The following MROH1 variants were observed in gnomAD, a reference collection of about 807,000 sequenced individuals.
MROH1 encodes maestro heat like repeat family member 1, also known as maestro heat-like repeat-containing protein family member 1.
Under a neutral mutation model 116.5 loss-of-function variants are expected in MROH1, and 117 were observed. That is an observed-to-expected ratio of 1.00 (90% confidence interval 0.86 to 1.17). The LOEUF (loss-of-function observed/expected upper bound fraction) is 1.17, where lower values mean the gene tolerates loss of function less well. Ranked by LOEUF, MROH1 falls within the 50% of genes most tolerant of loss-of-function variation. MROH1 has a pLI of 0.00. For synonymous variants in MROH1, 921 were observed against 583.9 expected, an observed-to-expected ratio of 1.58 and a Z score of -8.32; for missense variants, 1,873 against 1,338.5, an observed-to-expected ratio of 1.40 and a Z score of -6.23.
At chr8:144,223,040 T>G in intron 13 of MROH1, 68 bp from the exon 14 acceptor site, 1 of 1,598,170 alleles carries the variant, frequency 6.3e-7, no homozygotes, top group Non-Finnish European at 8.5e-7. Context: ...GAGGTTCCTC[T>G]CTGCTGGCTG....
At chr8:144,247,541 G>T (rs1311268381) in intron 30 of MROH1, 26 bp from the exon 31 acceptor site, 12 of 765,450 alleles carry the variant, frequency 1.6e-5, no homozygotes, top group South Asian at 2.8e-5. Context: ...GCCTGGGCCC[G>T]ACTGCTCATT....
chr8:144,158,827 A>G (rs1390803112), intron 1 of MROH1, among the ~76,000 whole-genome samples: 1 of 151,712 alleles, frequency 6.6e-6, no homozygotes, highest in Non-Finnish European at 1.5e-5. Flanking sequence ...TCACTGCAGC[A>G]TTGACCTCCT....
intron 4 of MROH1, among the ~76,000 whole-genome samples, chr8:144,169,131 A>C (rs931029506): frequency 6.6e-6 from 1 of 152,100 alleles, no homozygotes; most frequent in Non-Finnish European, 1.5e-5. Flanking sequence ...GCATTGTTTG[A>C]AACTGTTATG....
At position 144,258,796 on chromosome 8, in the gene MROH1, C is replaced by G; in HGVS notation, c.3811C>G (p.Arg1271Gly). The G allele has an allele frequency of 1.3e-6, 1 of 767,830 alleles. No homozygotes were observed. Among genetic ancestry groups the G allele is most frequent in the Non-Finnish European group, 2.4e-6 (1 of 413,908 alleles). 47.6% of individuals were successfully genotyped at this position (767,830 alleles called of 1,614,324 possible). Residue 1271 changes from arginine (R) to glycine (G), a missense_variant, in exon 36 of 44, where the codon CGG becomes GGG. By Grantham distance (125) the Arg-to-Gly change is moderately radical. Transcript: ENST00000326134. Reference protein sequence around the residue: ...EPCSSAVDTLRSMLLRSGSED... With the variant: ...EPCSSAVDTLGSMLLRSGSED... ...CTGCAGCTCTGCAGTGGACACCCTG[C>G]GGTCCATGCTACTCCGCAGCGGCAG... is the stretch of plus-strand genomic sequence containing the variant.
At chr8:144,190,555 CTG>C (rs759032662) in intron 7 of MROH1, among the ~76,000 whole-genome samples, 1 of 152,150 alleles carries the variant, frequency 6.6e-6, no homozygotes, top group Non-Finnish European at 1.5e-5. Flanking sequence ...GAGCAAGACT[CTG>C]TCTCAAAAAA....
chr8:144,190,752 C>T (rs769022575), intron 7 of MROH1, 32 bp from the exon 8 acceptor site: 32 of 1,605,372 alleles, frequency 2.0e-5, no homozygotes, highest in Non-Finnish European at 2.5e-5. Flanking sequence ...AACCCATGGC[C>T]TGCAGCCACT....
At position 144,240,170 on chromosome 8, in the gene MROH1, G is replaced by T. The variant is rs946843731; in HGVS notation, c.1827+17G>T. The T allele has an allele frequency of 5.2e-6, 4 of 769,068 alleles. No individual in the cohort carries two copies. The highest frequency in any genetic ancestry group is 9.7e-6 in the Non-Finnish European group (4 of 412,932). 47.6% of individuals were successfully genotyped at this position (769,068 alleles called of 1,614,324 possible). On this transcript the variant is annotated intron_variant, in intron 19 of 43. Transcript: ENST00000326134. ...CTGTTGATGGTGAGGGCCGGGGTAC[G>T]GCCCATCCTGGGCCTTAAGGTGTTG...
rs1289743995 is a variant in MROH1, at chr8:144,243,554, A to T, written c.2413A>T (p.Ser805Cys). ...GTGCATGGTCAGCCGCGCCATCTGC[A>T]GCAGCACCCAGGCTGGCTCCTTCCA... is the stretch of plus-strand genomic sequence containing the variant. ...SVCMVSRAIC[S>C]STQAGSFHFT... is the part of the protein sequence containing the mutation. Residue 805 changes from serine (S) to cysteine (C), a missense_variant, in exon 25 of 44, where the codon AGC (serine) becomes TGC (cysteine). Physicochemically the swap from Ser to Cys is moderately radical, Grantham distance 112. Transcript: ENST00000326134. 4 of 780,142 alleles carry T rather than the reference A, an allele frequency of 5.1e-6. No homozygotes were observed. Among genetic ancestry groups the T allele is most frequent in the African/African-American group, 3.4e-5 (2 of 59,154 alleles). The allele number at this position is 780,142 out of a possible 1,614,324, so 48.3% of individuals were successfully genotyped here. A position where few individuals can be genotyped will look rare whatever the true frequency, so the allele number is the denominator to read the frequency against.
chr8:144,212,148 A>G (rs915041483), intron 12 of MROH1, among the ~76,000 whole-genome samples: 1 of 151,940 alleles, frequency 6.6e-6, no homozygotes, highest in African/African-American at 2.4e-5. Context: ...TAGCGGCTCA[A>G]ACACGGCTCA....
At chr8:144,257,768 C>G (rs1182911898) in intron 35 of MROH1, among the ~76,000 whole-genome samples, 1 of 152,248 alleles carries the variant, frequency 6.6e-6, no homozygotes, top group Admixed American at 6.5e-5. Flanking sequence ...GTCACCACCA[C>G]CAGCGGTCAC....
Position 144,243,622 on chromosome 8 carries a change from C to A in MROH1, c.2475+6C>A. On this transcript the variant is annotated splice_donor_region_variant and intron_variant, in intron 25 of 43. Transcript: ENST00000326134. ...AGCTGGTGGCACAGATGATGGTGAG[C>A]GTGGCCGTGGCCTGGCAGGTCCTCA... The A allele has an allele frequency of 1.3e-6, 1 of 778,698 alleles. No homozygotes were observed. Among genetic ancestry groups the A allele is most frequent in the Admixed American group, 1.7e-5 (1 of 59,026 alleles). The allele number at this position is 778,698 out of a possible 1,614,324, so 48.2% of individuals were successfully genotyped here.
intron 7 of MROH1, among the ~76,000 whole-genome samples, chr8:144,185,913 C>G (rs62530349): frequency 6.9e-5 from 9 of 129,504 alleles, no homozygotes; most frequent in African/African-American, 1.6e-4. Context: ...GGGGGGGCGG[C>G]GAGGGGCGAC....
intron 7 of MROH1, among the ~76,000 whole-genome samples, chr8:144,187,965 G>T (rs2131525853): frequency 6.6e-6 from 1 of 152,266 alleles, no homozygotes; most frequent in African/African-American, 2.4e-5. Context: ...CTTCCATGAG[G>T]TTGTCAGCCC....
chr8:144,184,330 G>T (rs560596266), intron 7 of MROH1, among the ~76,000 whole-genome samples: 1 of 152,182 alleles, frequency 6.6e-6, no homozygotes, highest in African/African-American at 2.4e-5. Flanking sequence ...TCCCTGGAGC[G>T]CAGGGTCTCG....
intron 5 of MROH1, 127 bp downstream of exon 5, chr8:144,179,713 G>T: frequency 1.6e-6 from 2 of 1,232,596 alleles, no homozygotes; most frequent in South Asian, 1.4e-5. Flanking sequence ...GCTGGCAGAT[G>T]CCCTTCGGTC....
intron 14 of MROH1, among the ~76,000 whole-genome samples, chr8:144,227,293 G>C (rs1409304026): frequency 6.6e-6 from 1 of 152,186 alleles, no homozygotes; most frequent in Non-Finnish European, 1.5e-5. Flanking sequence ...GGTGAGAGCA[G>C]CCACCCCTGC....
rs574049227 is a variant in MROH1 at position 144,192,304 on chromosome 8, A to G, written c.856-5A>G. The G allele has an allele frequency of 1.1e-5, 18 of 1,587,244 alleles. No homozygotes were observed. The Admixed American group carries it at 3.0e-4, about 27-fold the overall frequency. ...CTGACGGCCTCTTCTCCCTACCCGGAGCAGAGCCTGGGCCAGATCCTCGAG... is the reference window on the plus strand; with the variant it reads ...CTGACGGCCTCTTCTCCCTACCCGGGGCAGAGCCTGGGCCAGATCCTCGAG... On this transcript the variant is annotated splice_region_variant and splice_polypyrimidine_tract_variant and intron_variant, in intron 9 of 43. Coordinates refer to ENST00000326134, the MANE Select transcript of MROH1 (RefSeq NM_032450.3).
Position 144,259,305 on chromosome 8 carries a change from G to GCAGTGCGTATGAGAAC in MROH1, c.3999_4014dup (p.Arg1339CysfsTer3). 1 of 715,114 alleles carries GCAGTGCGTATGAGAAC rather than the reference G, an allele frequency of 1.4e-6. No homozygotes were observed. The highest frequency in any genetic ancestry group is 2.6e-6 in the Non-Finnish European group (1 of 384,886). The allele number at this position is 715,114 out of a possible 1,614,324, so 44.3% of individuals were successfully genotyped here. Reference sequence around the variant, plus strand: ...CTGAAGACGCTGGCATGCACACACAGCAGTGCGTATGAGAACCAGAGGGTG... The same window carrying GCAGTGCGTATGAGAAC: ...CTGAAGACGCTGGCATGCACACACAGCAGTGCGTATGAGAACCAGTGCGTATGAGAACCAGAGGGTG... On this transcript the variant is annotated frameshift_variant, in exon 37 of 44. Coordinates refer to ENST00000326134, the MANE Select transcript of MROH1 (RefSeq NM_032450.3). LOFTEE classifies it high-confidence loss of function.
In MROH1 at chr8:144,244,451, A is replaced by G. The variant is rs1463254425; in HGVS notation, c.2678A>G (p.Tyr893Cys). Residue 893 changes from tyrosine (Y) to cysteine (C), a missense_variant, in exon 28 of 44, where the codon TAT becomes TGT. By Grantham distance (194) the Tyr-to-Cys change is radical. Coordinates refer to ENST00000326134, the MANE Select transcript of MROH1 (RefSeq NM_032450.3). ...EEDGGCQKSL[Y>C]LETLHALEDL... ...GCCTGGCTCTCCTTCCAGTCCCTGT[A>G]TCTGGAGACACTGCACGCCCTTGAG... 5.2e-6 allele frequency: 4 copies of G among 764,882 alleles called. No individual in the cohort carries two copies. The highest frequency in any genetic ancestry group is 9.7e-6 in the Non-Finnish European group (4 of 410,512). 47.4% of individuals were successfully genotyped at this position (764,882 alleles called of 1,614,324 possible). A position where few individuals can be genotyped will look rare whatever the true frequency, so the allele number is the denominator to read the frequency against.
Sources: allele counts gnomAD v4.1 joint callset (sites outside exome capture counted in the v4.1 genomes callset), GRCh38; gene constraint gnomAD v4.1.1; transcripts MANE v1.5; gene names NCBI Gene and HGNC (gene_info 2026-07-23, HGNC 2026-07-21).